The following RHOU variants were observed in gnomAD, a reference collection of about 807,000 sequenced individuals.
RHOU encodes ras homolog family member U, also known as rho-related GTP-binding protein RhoU.
A neutral mutation model predicts 12.6 loss-of-function variants in RHOU; 8 were observed. The ratio of observed to expected loss-of-function variants is 0.64; its 90% CI spans 0.37 to 1.15. The LOEUF (loss-of-function observed/expected upper bound fraction) is 1.15. Ranked by LOEUF, RHOU falls within the 50% of genes most tolerant of loss-of-function variation. The probability of loss-of-function intolerance (pLI) is 0.01; values close to 1 mark genes in which losing one functional copy is unlikely to be tolerated. For missense variants in RHOU, 258 were observed against 347.0 expected (o/e 0.74, Z 2.04); for synonymous variants, 161 against 147.4 (o/e 1.09, Z -0.67).
chr1:228,735,428 C>T (rs137964956), upstream of RHOU: 2,494 of 189,482 alleles, frequency 0.013, 25 homozygotes, highest in East Asian at 0.031. This position sits in a 1 kb window ranked among gnomAD's most constrained non-coding sequence, Gnocchi z 8.1. Context: ...CGCCAGCCCG[C>T]CCGCCTGCCC....
the RHOU span, among the ~76,000 whole-genome samples, chr1:228,654,693 A>C: frequency 6.6e-6 from 1 of 152,254 alleles, no homozygotes; most frequent in African/African-American, 2.4e-5. Context: ...GTAACTCGAC[A>C]GAACCTGATC....
At chr1:228,657,272 T>A in the RHOU span, among the ~76,000 whole-genome samples, 16 of 9,290 alleles carry the variant, frequency 1.7e-3, no homozygotes, top group African/African-American at 2.8e-3. Context: ...AGCAAAAAAC[T>A]CCATCTCAAA....
At chr1:228,656,883 G>T in the RHOU span, among the ~76,000 whole-genome samples, 2 of 152,154 alleles carry the variant, frequency 1.3e-5, no homozygotes, top group Non-Finnish European at 2.9e-5. Flanking sequence ...TCAAAAGATG[G>T]AGATTGGCAG....
rs759070825 is a variant in RHOU, at chr1:228,737,790, A to G, written c.321+59A>G. 2.7e-5 allele frequency: 42 copies of G among 1,559,470 alleles called. 1 individual carries two copies. Among genetic ancestry groups the G allele is most frequent in the Non-Finnish European group, 3.5e-5 (40 of 1,130,844 alleles). ...GGAAACAGCCTTTTAAAGATTTCCA[A>G]ATAACCTTTGATTCCCTCAGTCAGT... On this transcript the variant is annotated intron_variant, in intron 2 of 2. Transcript: ENST00000366691. The surrounding 1 kb of genome is among the most constrained non-coding windows in gnomAD (Gnocchi z 4.1).
the RHOU span, among the ~76,000 whole-genome samples, chr1:228,730,114 T>C: frequency 7.4e-3 from 1,121 of 152,280 alleles, 4 homozygotes; most frequent in Non-Finnish European, 1.0e-2. Context: ...CAAGAAACTA[T>C]TGGTCAGGGC....
At chr1:228,741,472 T>C (rs1662719826) in intron 2 of RHOU, among the ~76,000 whole-genome samples, 1 of 152,140 alleles carries the variant, frequency 6.6e-6, no homozygotes, top group Non-Finnish European at 1.5e-5. Context: ...TACCAGGGCA[T>C]GGCCAGGGGT....
the RHOU span, among the ~76,000 whole-genome samples, chr1:228,712,827 AT>A: frequency 1.8e-5 from 2 of 112,070 alleles, no homozygotes; most frequent in Non-Finnish European, 3.4e-5. Flanking sequence ...AAATAAATAA[AT>A]AAATAAAATA....
the RHOU span, among the ~76,000 whole-genome samples, chr1:228,660,330 C>A: frequency 6.9e-6 from 1 of 144,402 alleles, no homozygotes; most frequent in East Asian, 2.0e-4. Context: ...AATCAGTAAC[C>A]AAAAATCTCC....
At chr1:228,707,479 T>A in the RHOU span, among the ~76,000 whole-genome samples, 1 of 151,148 alleles carries the variant, frequency 6.6e-6, no homozygotes, top group Non-Finnish European at 1.5e-5. Context: ...GCAGACTGCC[T>A]CCTCAAGTGG....
the RHOU span, among the ~76,000 whole-genome samples, chr1:228,705,014 C>A: frequency 6.6e-6 from 1 of 151,748 alleles, no homozygotes; most frequent in Non-Finnish European, 1.5e-5. Context: ...GTAGGCCAGG[C>A]TGGTCTTGAA....
the RHOU span, among the ~76,000 whole-genome samples, chr1:228,719,002 T>C: frequency 6.6e-6 from 1 of 152,052 alleles, no homozygotes; most frequent in Non-Finnish European, 1.5e-5. Flanking sequence ...GTCTAAAAGG[T>C]TTGAAATTTA....
the RHOU span, among the ~76,000 whole-genome samples, chr1:228,656,081 C>A: frequency 6.6e-6 from 1 of 152,168 alleles, no homozygotes. Context: ...CTCATTTTTC[C>A]TTAAAAAACT....
At chr1:228,682,559 A>C in the RHOU span, among the ~76,000 whole-genome samples, 1 of 152,106 alleles carries the variant, frequency 6.6e-6, no homozygotes, top group Non-Finnish European at 1.5e-5. Flanking sequence ...CACAAAGTAC[A>C]TCTCAAGGGT....
At chr1:228,694,818 G>T in the RHOU span, among the ~76,000 whole-genome samples, 11 of 151,766 alleles carry the variant, frequency 7.2e-5, no homozygotes, top group Non-Finnish European at 1.5e-4. Flanking sequence ...TATTCTTTTG[G>T]GTACATACCT....
chr1:228,663,356 A>T, the RHOU span, among the ~76,000 whole-genome samples: 2 of 152,136 alleles, frequency 1.3e-5, no homozygotes, highest in African/African-American at 4.8e-5. Context: ...ATGACTTTTC[A>T]TTTATTTATT....
At chr1:228,658,259 T>C in the RHOU span, among the ~76,000 whole-genome samples, 10 of 116,822 alleles carry the variant, frequency 8.6e-5, no homozygotes, top group Admixed American at 7.9e-4. Context: ...TGCACTCCAA[T>C]GGGGGCAATA....
chr1:228,727,226 T>C, the RHOU span, among the ~76,000 whole-genome samples: 1 of 152,190 alleles, frequency 6.6e-6, no homozygotes, highest in African/African-American at 2.4e-5. Flanking sequence ...AGCATAAGTA[T>C]TTACCTTTCA....
the RHOU span, among the ~76,000 whole-genome samples, chr1:228,651,654 C>T: frequency 6.6e-6 from 1 of 152,210 alleles, no homozygotes; most frequent in Non-Finnish European, 1.5e-5. Context: ...AGTCCTTGCA[C>T]CTCAAAGTTC....
At chr1:228,696,296 G>A in the RHOU span, among the ~76,000 whole-genome samples, 2 of 148,742 alleles carry the variant, frequency 1.3e-5, no homozygotes, top group East Asian at 1.9e-4. Context: ...TACATCCAAG[G>A]AGAAGTAGAA....
Sources: allele counts gnomAD v4.1 joint callset (sites outside exome capture counted in the v4.1 genomes callset), GRCh38; gene constraint gnomAD v4.1.1; non-coding constraint Gnocchi (gnomAD v3.1); transcripts MANE v1.5; gene names NCBI Gene and HGNC (gene_info 2026-07-23, HGNC 2026-07-21).